The following SATB2 variants were observed in gnomAD, a reference collection of about 807,000 sequenced individuals.
The protein encoded by SATB2 is SATB homeobox 2.
SATB2 carries 1 observed loss-of-function variant against 73.4 expected under a neutral mutation model. That is an observed-to-expected ratio of 0.01 (90% CI 0.00 to 0.06). The LOEUF is 0.06. Ranked by LOEUF, SATB2 falls within the 10% of genes least tolerant of loss-of-function variation. SATB2 has a pLI of 1.00. For missense variants in SATB2, 459 were observed against 945.8 expected, an observed-to-expected ratio of 0.49 and a Z score of 6.75; for synonymous variants, 397 against 367.0, an observed-to-expected ratio of 1.08 and a Z score of -0.93.
chr2:199,432,431 G>A (rs1691530439), intron 3 of SATB2, among the ~76,000 whole-genome samples: 1 of 152,112 alleles, frequency 6.6e-6, no homozygotes, highest in African/African-American at 2.4e-5. Context: ...ATTATATGAA[G>A]AGAAACTCAT....
chr2:199,297,237 A>G (rs1050657247), intron 10 of SATB2, among the ~76,000 whole-genome samples: 1 of 152,204 alleles, frequency 6.6e-6, no homozygotes, highest in Admixed American at 6.5e-5. Context: ...TGTTGCCATC[A>G]ATAGTTAAAA....
rs1692255154 is a variant in SATB2, at chr2:199,455,815, C to G, written c.169+54G>C. ...CCTAATCAACCTGAACCCTGACACC[C>G]GGGCCATTATCACTGGGCCGCGGGC... On this transcript the variant is annotated intron_variant, in intron 2 of 10. Transcript: ENST00000417098. The surrounding 1 kb of genome is among the most constrained non-coding windows in gnomAD (Gnocchi z 4.1). 4.6e-6 allele frequency: 7 copies of G among 1,522,358 alleles called. No homozygotes were observed. The South Asian group carries it at 8.4e-5, about 18-fold the overall frequency. 94.3% of individuals were successfully genotyped at this position (1,522,358 alleles called of 1,614,324 possible).
chr2:199,405,486 A>C (rs1690603504), intron 3 of SATB2, among the ~76,000 whole-genome samples: 1 of 152,146 alleles, frequency 6.6e-6, no homozygotes, highest in Admixed American at 6.5e-5. Flanking sequence ...AAGCAGGCTG[A>C]CCCAGGGAAA....
intron 9 of SATB2, among the ~76,000 whole-genome samples, chr2:199,315,974 A>T (rs1210472635): frequency 6.6e-6 from 1 of 152,130 alleles, no homozygotes; most frequent in East Asian, 1.9e-4. Flanking sequence ...AGATTCTTGC[A>T]GCAGAAATGC....
At chr2:199,431,841 C>T (rs1691512582) in intron 3 of SATB2, among the ~76,000 whole-genome samples, 1 of 152,198 alleles carries the variant, frequency 6.6e-6, no homozygotes, top group African/African-American at 2.4e-5. Context: ...AGGAAGCTGG[C>T]ACACCAGGGT....
At chr2:199,384,225 G>A (rs1431979061) in intron 3 of SATB2, among the ~76,000 whole-genome samples, 3 of 152,210 alleles carry the variant, frequency 2.0e-5, no homozygotes, top group Admixed American at 1.3e-4. Context: ...CCTCCACATA[G>A]AGCAGCTGCT....
intron 10 of SATB2, among the ~76,000 whole-genome samples, chr2:199,275,674 G>T (rs969757792): frequency 6.6e-6 from 1 of 152,118 alleles, no homozygotes; most frequent in Non-Finnish European, 1.5e-5. Flanking sequence ...AATAGTCAGA[G>T]AAATTATCTA....
upstream of SATB2, among the ~76,000 whole-genome samples, chr2:199,466,467 T>C (rs1692595347): frequency 6.6e-6 from 1 of 152,210 alleles, no homozygotes; most frequent in African/African-American, 2.4e-5. Context: ...TCCCCCAAGC[T>C]GACCAAGTTG....
chr2:199,383,872 A>C (rs535632029), intron 3 of SATB2, among the ~76,000 whole-genome samples: 7 of 152,328 alleles, frequency 4.6e-5, no homozygotes, highest in African/African-American at 1.7e-4. Flanking sequence ...AAGAACAGGC[A>C]AGACTAATCT....
intron 7 of SATB2, among the ~76,000 whole-genome samples, chr2:199,339,720 T>C (rs1244787434): frequency 6.6e-6 from 1 of 152,150 alleles, no homozygotes. Flanking sequence ...GCTGACAGAA[T>C]TCTGAATACC....
At chr2:199,324,102 A>T in intron 8 of SATB2, 144 bp from the exon 9 acceptor site, 1 of 852,328 alleles carries the variant, frequency 1.2e-6, no homozygotes, top group Non-Finnish European at 2.0e-6. Context: ...TATTCTAATC[A>T]GGTTAATTGT....
At chr2:199,370,499 C>A (rs1689411288) in intron 5 of SATB2, among the ~76,000 whole-genome samples, 1 of 152,136 alleles carries the variant, frequency 6.6e-6, no homozygotes, top group African/African-American at 2.4e-5. Flanking sequence ...TGGAAAGGCA[C>A]AGGATACACA....
chr2:199,392,691 G>A (rs186371543), intron 3 of SATB2, among the ~76,000 whole-genome samples: 55 of 152,146 alleles, frequency 3.6e-4, no homozygotes, highest in Non-Finnish European at 5.6e-4. Flanking sequence ...TGGATAACTC[G>A]CTTACCCTCT....
At chr2:199,352,584 T>C (rs1423188993) in intron 6 of SATB2, among the ~76,000 whole-genome samples, 1 of 152,178 alleles carries the variant, frequency 6.6e-6, no homozygotes, top group Non-Finnish European at 1.5e-5. Context: ...ATTACATCCG[T>C]AGTAACACCA....
At chr2:199,370,183 C>G (rs960498749) in intron 5 of SATB2, among the ~76,000 whole-genome samples, 5 of 152,038 alleles carry the variant, frequency 3.3e-5, no homozygotes, top group African/African-American at 1.2e-4. Context: ...AGCTCCCGCT[C>G]TGGCTGAGAT....
At chr2:199,358,318 A>G (rs1481606412) in intron 6 of SATB2, among the ~76,000 whole-genome samples, 1 of 152,148 alleles carries the variant, frequency 6.6e-6, no homozygotes, top group East Asian at 1.9e-4. Context: ...TGTTAATACA[A>G]ACACAGATGG....
At chr2:199,315,251 A>G (rs1687698331) in intron 9 of SATB2, among the ~76,000 whole-genome samples, 1 of 152,116 alleles carries the variant, frequency 6.6e-6, no homozygotes, top group Admixed American at 6.5e-5. Flanking sequence ...ATTGAAAATG[A>G]ATGAGGTATG....
chr2:199,374,388 T>C (rs1223595731), intron 5 of SATB2, among the ~76,000 whole-genome samples: 2 of 152,196 alleles, frequency 1.3e-5, no homozygotes, highest in African/African-American at 4.8e-5. Flanking sequence ...GAATAGAGGC[T>C]ACCAGGGGTC....
At chr2:199,323,476 TACACAC>T (rs1553546876) in intron 9 of SATB2, among the ~76,000 whole-genome samples, 3 of 142,748 alleles carry the variant, frequency 2.1e-5, no homozygotes, top group Admixed American at 7.1e-5. Context: ...GTTTTGTTCA[TACACAC>T]ACACACACAC....
Sources: allele counts gnomAD v4.1 joint callset (sites outside exome capture counted in the v4.1 genomes callset), GRCh38; gene constraint gnomAD v4.1.1; non-coding constraint Gnocchi (gnomAD v3.1); transcripts MANE v1.5; gene names NCBI Gene and HGNC (gene_info 2026-07-23, HGNC 2026-07-21).